RBFOX1: variants seen among roughly 807,000 people sequenced by gnomAD.
RBFOX1 encodes RNA binding protein fox-1 homolog 1.
In RBFOX1, 8 loss-of-function variants were observed where a neutral mutation model predicts 57.7. The observed-to-expected ratio is 0.14, with a 90% confidence interval of 0.08 to 0.25. The LOEUF (loss-of-function observed/expected upper bound fraction) is 0.25. Ranked by LOEUF, RBFOX1 falls within the 10% of genes least tolerant of loss-of-function variation. RBFOX1 has a pLI of 1.00. For synonymous variants in RBFOX1, 326 were observed against 222.4 expected (o/e 1.47, Z -4.15); for missense variants, 611 against 548.5 (o/e 1.11, Z -1.14).
At chr16:6,087,298 C>G (rs2096101114) in intron 1 of RBFOX1, among the ~76,000 whole-genome samples, 1 of 152,082 alleles carries the variant, frequency 6.6e-6, no homozygotes, top group African/African-American at 2.4e-5. Context: ...AGTTTTGTGC[C>G]TTCGAGCACA....
chr16:6,413,315 A>G (rs576662694), intron 2 of RBFOX1, among the ~76,000 whole-genome samples: 96 of 89,306 alleles, frequency 1.1e-3, no homozygotes, highest in African/African-American at 4.8e-3. Flanking sequence ...GAGAAACTAC[A>G]TCTCAAAAAA....
intron 2 of RBFOX1, among the ~76,000 whole-genome samples, chr16:6,601,741 A>G (rs1558565): frequency 0.29 from 44,110 of 151,914 alleles, 7,951 homozygotes; most frequent in Non-Finnish European, 0.39. Flanking sequence ...GTTGAGGTCA[A>G]GAGCAAGGAA....
rs1296020604 is a variant in RBFOX1, at chr16:6,526,071, G to A, written c.-63-128532G>A. On this transcript the variant is annotated intron_variant, in intron 2 of 15. Coordinates refer to ENST00000550418, the MANE Select transcript of RBFOX1 (RefSeq NM_018723.4). The stretch of plus-strand genomic sequence containing the variant: ...GTGTTCTCATCACTTACATGACCAG[G>A]TTTTCATTCCTTGGATGTGCGATAG... Among the ~76,000 whole-genome samples the A allele has an allele frequency of 3.3e-5, 5 of 152,174 alleles. No homozygotes were observed. The South Asian group carries it at 6.2e-4, about 19-fold the overall frequency.
At chr16:5,731,093 C>A (rs1175501987) in intron 3 of RBFOX1, among the ~76,000 whole-genome samples, 1 of 152,158 alleles carries the variant, frequency 6.6e-6, no homozygotes, top group Non-Finnish European at 1.5e-5. Context: ...CCATCAACAT[C>A]ATTGTCCTCA....
At chr16:6,936,018 T>C (rs1048721759) in intron 3 of RBFOX1, among the ~76,000 whole-genome samples, 1 of 152,180 alleles carries the variant, frequency 6.6e-6, no homozygotes, top group Non-Finnish European at 1.5e-5. Context: ...GTTTGGATAA[T>C]GGCAAGAGGG....
Position 6,780,543 on chromosome 16 carries a change from TAC to T in RBFOX1, c.-16+125895_-16+125896del, listed in dbSNP as rs1278317765. Reference sequence around the variant, plus strand: ...ATTTATATATATTTATATATACATTTACATATATATTTACATATTTATATATA... The same window carrying T: ...ATTTATATATATTTATATATACATTTATATATATTTACATATTTATATATA... On this transcript the variant is annotated intron_variant, in intron 3 of 15. Transcript: ENST00000550418. 4.0e-4 allele frequency among the ~76,000 whole-genome samples: 52 copies of T among 129,050 alleles called. No individual in the cohort carries two copies. The East Asian group carries it at 9.8e-3, about 24-fold the overall frequency. 84.7% of individuals were successfully genotyped at this position (129,050 alleles called of 152,430 possible).
chr16:6,769,907 A>C (rs979582312), intron 3 of RBFOX1, among the ~76,000 whole-genome samples: 1 of 152,198 alleles, frequency 6.6e-6, no homozygotes, highest in African/African-American at 2.4e-5. Context: ...TTTATTTCTC[A>C]TAAGTCTGTT....
intron 4 of RBFOX1, among the ~76,000 whole-genome samples, chr16:7,218,628 CTGTGTGTGTGTGTGTGTGTGTGTG>C (rs60333818): frequency 3.9e-5 from 5 of 127,538 alleles, no homozygotes; most frequent in Admixed American, 7.4e-5. Context: ...TGGGGGTTTG[CTGTGTGTGTGTGTGTGTGTGTGTG>C]TGTGTGTGTG....
chr16:6,850,039 C>G (rs77276148), intron 3 of RBFOX1, among the ~76,000 whole-genome samples: 4,094 of 152,160 alleles, frequency 0.027, 202 homozygotes, highest in African/African-American at 0.093. Flanking sequence ...AGAAATACAC[C>G]ATGTACTCCT....
rs79809772 is a variant in RBFOX1 at position 7,150,080 on chromosome 16, G to A, written c.27+97982G>A. Among the ~76,000 whole-genome samples the A allele has an allele frequency of 7.6e-3, 1,155 of 152,286 alleles. 17 individuals are homozygous for A. The highest frequency in any genetic ancestry group is 0.026 in the African/African-American group (1,088 of 41,552). On this transcript the variant is annotated intron_variant, in intron 4 of 15. Transcript: ENST00000550418. ...GTGAACCTCCTGCCCCAGCCAGGTT[G>A]CCTGTTCTTCCCTCTCTCTTTCCTT...
At chr16:7,626,308 C>T (rs2060060362) in intron 10 of RBFOX1, among the ~76,000 whole-genome samples, 1 of 152,182 alleles carries the variant, frequency 6.6e-6, no homozygotes, top group Non-Finnish European at 1.5e-5. Context: ...AGGAATGATC[C>T]CCTGCATGCC....
In RBFOX1 at chr16:7,655,374, G is replaced by T. The variant is rs142584639; in HGVS notation, c.890+1427G>T. On this transcript the variant is annotated intron_variant, in intron 12 of 15. Transcript: ENST00000550418. ...TGGACAAAACAAGAGCTCTCTCTAT[G>T]CATACACATATTTTAACTGAAAAGA... Among the ~76,000 whole-genome samples, 173 of 152,306 alleles carry T rather than the reference G, an allele frequency of 1.1e-3. 1 individual carries two copies. The highest frequency in any genetic ancestry group is 2.1e-3 in the Non-Finnish European group (141 of 68,022).
intron 2 of RBFOX1, among the ~76,000 whole-genome samples, chr16:6,319,449 G>A (rs918096262): frequency 9.2e-5 from 14 of 152,114 alleles, no homozygotes; most frequent in African/African-American, 2.7e-4. Flanking sequence ...AATGATGGTC[G>A]AACAGGTACA....
At chr16:5,273,980 C>G (rs960964353) in intron 1 of RBFOX1, among the ~76,000 whole-genome samples, 1 of 152,182 alleles carries the variant, frequency 6.6e-6, no homozygotes, top group African/African-American at 2.4e-5. Context: ...AGGAATGTGA[C>G]ATTTCCTACA....
chr16:7,284,040 G>A (rs990862386), intron 4 of RBFOX1, among the ~76,000 whole-genome samples: 1 of 152,188 alleles, frequency 6.6e-6, no homozygotes, highest in Non-Finnish European at 1.5e-5. Flanking sequence ...TCAGAAGTAC[G>A]TAGCCTTTAG....
At chr16:5,523,953 C>A (rs1277290011) in intron 2 of RBFOX1, among the ~76,000 whole-genome samples, 1 of 152,128 alleles carries the variant, frequency 6.6e-6, no homozygotes, top group Non-Finnish European at 1.5e-5. Flanking sequence ...CCTCCCCCAG[C>A]GCTTGCCTCC....
chr16:5,858,330 C>A (rs1473199970), intron 3 of RBFOX1, among the ~76,000 whole-genome samples: 1 of 152,176 alleles, frequency 6.6e-6, no homozygotes, highest in Admixed American at 6.6e-5. Context: ...TTTGCAATCT[C>A]CCCGTGTTTT....
intron 10 of RBFOX1, among the ~76,000 whole-genome samples, chr16:7,620,346 T>G (rs1374878378): frequency 6.6e-6 from 1 of 152,176 alleles, no homozygotes; most frequent in Non-Finnish European, 1.5e-5. Context: ...CAAAGTCAAC[T>G]CAACTTCCAG....
chr16:7,183,744 A>G (rs1449897522), intron 4 of RBFOX1, among the ~76,000 whole-genome samples: 5 of 152,214 alleles, frequency 3.3e-5, no homozygotes, highest in Admixed American at 3.3e-4. Context: ...TACTGTCAGA[A>G]CAAAATTGAT....
Sources: allele counts gnomAD v4.1 joint callset (sites outside exome capture counted in the v4.1 genomes callset), GRCh38; gene constraint gnomAD v4.1.1; transcripts MANE v1.5; gene names NCBI Gene and HGNC (gene_info 2026-07-23, HGNC 2026-07-21).